The following MYO18A variants were observed in gnomAD, a reference collection of about 807,000 sequenced individuals.
MYO18A encodes the protein myosin XVIIIA.
MYO18A carries 78 observed loss-of-function variants against 235.8 expected under a neutral mutation model. The ratio of observed to expected loss-of-function variants is 0.33; its 90% confidence interval spans 0.28 to 0.40. MYO18A has a LOEUF of 0.40. Among genes scored for constraint, MYO18A ranks in the 10% least tolerant of loss-of-function variants. MYO18A has a pLI of 1.00. For synonymous variants in MYO18A, 977 were observed against 1,077.8 expected, an observed-to-expected ratio of 0.91 and a Z score of 1.83; for missense variants, 2,215 against 2,699.3, an observed-to-expected ratio of 0.82 and a Z score of 3.98.
At chr17:29,080,995 G>C in intron 41 of MYO18A, 1 of 985,520 alleles carries the variant, frequency 1.0e-6, no homozygotes, top group Non-Finnish European at 1.2e-6. Flanking sequence ...GGCCTCCTTA[G>C]AGAGGCTGTT....
chr17:29,154,121 T>TGTGTGTGTGCGCGCGCGCGCGCGC (rs142430455), intron 2 of MYO18A, among the ~76,000 whole-genome samples: 2 of 149,106 alleles, frequency 1.3e-5, no homozygotes, highest in African/African-American at 5.1e-5. Flanking sequence ...TGTGTGTGTG[T>TGTGTGTGTGCGCGCGCGCGCGCGC]GCGCGCGCGT....
rs186868115 is a variant in MYO18A, at chr17:29,172,615, A to G, written c.-81-5594T>C. On this transcript the variant is annotated intron_variant, in intron 1 of 41. Transcript: ENST00000527372. ...CTACCACCTAAGGTGGGGGAATTAAATGAAATATATTTAATTACCCTCAGA... is the reference window on the plus strand; with the variant it reads ...CTACCACCTAAGGTGGGGGAATTAAGTGAAATATATTTAATTACCCTCAGA... Among the ~76,000 whole-genome samples the G allele has an allele frequency of 5.3e-5, 8 of 152,346 alleles. No homozygotes were observed. The East Asian group carries it at 9.6e-4, about 18-fold the overall frequency.
intron 21 of MYO18A, among the ~76,000 whole-genome samples, chr17:29,102,236 G>A (rs1195586900): frequency 2.6e-5 from 4 of 152,214 alleles, no homozygotes; most frequent in Non-Finnish European, 4.4e-5. Flanking sequence ...GCTTGTAGAG[G>A]CCCTTTCCTG....
At chr17:29,147,171 GGCACAACAA>G (rs1432676768) in intron 2 of MYO18A, among the ~76,000 whole-genome samples, 1 of 152,178 alleles carries the variant, frequency 6.6e-6, no homozygotes, top group Non-Finnish European at 1.5e-5. Flanking sequence ...AACAATGGGA[GGCACAACAA>G]GCTTTTGGAG....
chr17:29,093,006 G>A lies in MYO18A; in HGVS notation c.4927-5C>T, dbSNP rs377251251. The A allele has an allele frequency of 6.1e-5, 99 of 1,612,298 alleles. No individual in the cohort carries two copies. The Middle Eastern group carries it at 7.1e-4, about 12-fold the overall frequency. On this transcript the variant is annotated splice_polypyrimidine_tract_variant and splice_region_variant and intron_variant, in intron 32 of 41. Transcript: ENST00000527372. ...CTCAAAGTCCCGCCGGTTCACCTGG[G>A]TGGGCACCAGCAGTTGGGGTTCTGG...
intron 15 of MYO18A, among the ~76,000 whole-genome samples, chr17:29,112,720 G>A (rs989991824): frequency 6.6e-6 from 1 of 152,196 alleles, no homozygotes; most frequent in African/African-American, 2.4e-5. Context: ...ACCCTATTCT[G>A]GCCTGGCCTT....
rs544946719 is a variant in MYO18A, at chr17:29,125,343, C to T, written c.1000-3090G>A. Reference sequence around the variant, plus strand: ...TCCCACCTCTGCCAGCCAGGCACACCGACCCCATCTAGATCCAACCTGGGG... The same window carrying T: ...TCCCACCTCTGCCAGCCAGGCACACTGACCCCATCTAGATCCAACCTGGGG... On this transcript the variant is annotated intron_variant, in intron 2 of 41. Coordinates refer to ENST00000527372, the MANE Select transcript of MYO18A (RefSeq NM_078471.4). The surrounding 1 kb of genome is among the most constrained non-coding windows in gnomAD (Gnocchi z 5.1). Among the ~76,000 whole-genome samples the T allele has an allele frequency of 2.8e-4, 42 of 152,314 alleles. No individual in the cohort carries two copies. In the South Asian group the frequency reaches 7.9e-3, roughly 29 times the overall value.
At chr17:29,154,616 C>CT in intron 2 of MYO18A, among the ~76,000 whole-genome samples, 1 of 152,192 alleles carries the variant, frequency 6.6e-6, no homozygotes, top group Admixed American at 6.5e-5. Flanking sequence ...TGAGGCATGG[C>CT]CAAGTGAGTG....
In MYO18A at chr17:29,073,113, G is replaced by A. The variant is rs1311904045; in HGVS notation, c.*1657C>T. ...AGAAAGAAAGAGAGAGAGAGAGGGA[G>A]AGAGGGAGGGACGGAAGGAGGAAGA... On this transcript the variant is annotated 3_prime_UTR_variant, in exon 42 of 42. Coordinates refer to ENST00000527372, the MANE Select transcript of MYO18A (RefSeq NM_078471.4). 6.8e-6 allele frequency: 1 copy of A among 148,130 alleles called. No individual in the cohort carries two copies. The highest frequency in any genetic ancestry group is 1.5e-5 in the Non-Finnish European group (1 of 67,506). 9.2% of individuals were successfully genotyped at this position (148,130 alleles called of 1,614,324 possible). A position where few individuals can be genotyped will look rare whatever the true frequency, so the allele number is the denominator to read the frequency against.
At chr17:29,164,825 C>G (rs181385191) in intron 2 of MYO18A, among the ~76,000 whole-genome samples, 1 of 152,358 alleles carries the variant, frequency 6.6e-6, no homozygotes, top group African/African-American at 2.4e-5. Flanking sequence ...ATCTAAACCT[C>G]TCTGCTCCTG....
chr17:29,122,210 T>C lies in MYO18A; in HGVS notation c.1043A>G (p.Glu348Gly). ...ATGGACCAGCCACACCTTCTCCGTC[T>C]CATTCCAGGCCTCTTCTGCTGCAAT... is the stretch of plus-strand genomic sequence containing the variant. ...EQIAAEEAWN[E>G]TEKVWLVHRD... Residue 348 changes from glutamate (E) to glycine (G), a missense_variant, in exon 3 of 42, where the codon GAG becomes GGG. Coordinates refer to ENST00000527372, the MANE Select transcript of MYO18A (RefSeq NM_078471.4). 2 of 1,613,632 alleles carry C rather than the reference T, an allele frequency of 1.2e-6. No individual in the cohort carries two copies. The highest frequency in any genetic ancestry group is 1.7e-6 in the Non-Finnish European group (2 of 1,179,766).
At chr17:29,171,509 A>G (rs938487143) in intron 1 of MYO18A, among the ~76,000 whole-genome samples, 1 of 152,190 alleles carries the variant, frequency 6.6e-6, no homozygotes, top group East Asian at 1.9e-4. Context: ...ATAAACAAAT[A>G]TTGAACTCTA....
chr17:29,121,939 T>A lies in MYO18A; in HGVS notation c.1106A>T (p.Glu369Val). The change falls in exon 4 of 42, where the codon GAG (glutamate) becomes GTG (valine). Residue 369 changes from glutamate to valine, a missense_variant. Physicochemically the swap from Glu to Val is moderately radical, Grantham distance 121 (BLOSUM62 -2). Transcript: ENST00000527372. The surrounding 1 kb of genome is among the most constrained non-coding windows in gnomAD (Gnocchi z 4.2). ...GFSLASQLKSEELNLPEGKVR... is the reference protein window; with the variant it reads ...GFSLASQLKSVELNLPEGKVR... ...CTTCCCCTCAGGCAAGTTGAGCTCC[T>A]CAGATTTGAGTTGACTGGCTGCAGG... is the stretch of plus-strand genomic sequence containing the variant. 1 of 1,613,796 alleles carries A rather than the reference T, an allele frequency of 6.2e-7. No individual in the cohort carries two copies. Among genetic ancestry groups the A allele is most frequent in the Non-Finnish European group, 8.5e-7 (1 of 1,179,838 alleles).
rs572840235 is a variant in MYO18A at position 29,074,071 on chromosome 17, C to T, written c.*699G>A. ...ACTTGTCTGCGTAGGCTTGCTCAAC[C>T]CAGCCCAGCAGCACCGGAGAGCCCC... On this transcript the variant is annotated 3_prime_UTR_variant, in exon 42 of 42. Transcript: ENST00000527372. This position sits in a 1 kb window ranked among gnomAD's most constrained non-coding sequence, Gnocchi z 4.4. The T allele has an allele frequency of 6.2e-7, 1 of 1,613,974 alleles. No homozygotes were observed. Among genetic ancestry groups the T allele is most frequent in the African/African-American group, 1.3e-5 (1 of 74,908 alleles).
Position 29,121,568 on chromosome 17 carries a change from G to A in MYO18A, c.1350C>T (p.Ala450=), listed in dbSNP as rs1489079674. The A allele has an allele frequency of 1.9e-6, 3 of 1,604,172 alleles. No homozygotes were observed. The highest frequency in any genetic ancestry group is 2.6e-6 in the Non-Finnish European group (3 of 1,176,126). ...GCACCTTCTCAGAGTACACAGCAGGGGCCCCACGGGGGCCAAGAACCAGCA... is the reference window on the plus strand; with the variant it reads ...GCACCTTCTCAGAGTACACAGCAGGAGCCCCACGGGGGCCAAGAACCAGCA... ...PSLLVLGPRG[A]PAVYSEKVMH... The change falls in exon 5 of 42, where the codon GCC becomes GCT. Residue 450 remains alanine (A), a synonymous_variant. Coordinates refer to ENST00000527372, the MANE Select transcript of MYO18A (RefSeq NM_078471.4). The surrounding 1 kb of genome is among the most constrained non-coding windows in gnomAD (Gnocchi z 4.2).
chr17:29,135,349 G>T (rs540308846), intron 2 of MYO18A, among the ~76,000 whole-genome samples: 8 of 152,226 alleles, frequency 5.3e-5, no homozygotes, highest in African/African-American at 1.7e-4. Flanking sequence ...TGATCCACCC[G>T]CCTTGGCCTC....
At chr17:29,086,254 A>G (rs1303058115) in intron 39 of MYO18A, among the ~76,000 whole-genome samples, 184 bp downstream of exon 39, 2 of 152,106 alleles carry the variant, frequency 1.3e-5, no homozygotes, top group East Asian at 3.9e-4. Context: ...ATCAGGGTGC[A>G]CCTGTCTCAC....
chr17:29,146,816 C>G (rs1455519589), intron 2 of MYO18A, among the ~76,000 whole-genome samples: 1 of 152,198 alleles, frequency 6.6e-6, no homozygotes, highest in African/African-American at 2.4e-5. Flanking sequence ...TACTGCTGGA[C>G]TTTTCAGATA....
intron 17 of MYO18A, 103 bp from the exon 18 acceptor site, chr17:29,110,725 G>T (rs1395249945): frequency 2.5e-6 from 3 of 1,201,924 alleles, no homozygotes; most frequent in African/African-American, 3.1e-5. Context: ...GTCCCATTCA[G>T]CCACGTCCAG....
Sources: gnomAD v4.1 joint callset for allele counts (sites outside exome capture counted in the v4.1 genomes callset) on GRCh38, gnomAD v4.1.1 for gene constraint, Gnocchi (gnomAD v3.1) non-coding constraint, MANE v1.5 for transcripts, NCBI Gene and HGNC (gene_info 2026-07-23, HGNC 2026-07-21) for gene names.